Variants in TTC3 observed in about 807,000 individuals in gnomAD.
TTC3 encodes E3 ubiquitin-protein ligase TTC3.
TTC3 carries 180 observed loss-of-function variants against 249.6 expected under a neutral mutation model. The ratio of observed to expected loss-of-function variants is 0.72; its 90% CI spans 0.64 to 0.82. TTC3 has a LOEUF of 0.82. Ranked by LOEUF, TTC3 falls within the 40% of genes least tolerant of loss-of-function variation. The pLI is 0.00. For missense variants in TTC3, 2,061 were observed against 2,398.4 expected (o/e 0.86, Z 2.94); for synonymous variants, 717 against 805.0 (o/e 0.89, Z 1.85).
At chr21:37,087,840 A>G in exon 3 of TTC3, 15 of 1,593,472 alleles carry the variant, frequency 9.4e-6, no homozygotes, top group Non-Finnish European at 1.0e-5. Flanking sequence ...TAGGGTGTGC[A>G]ATATAAAGAT....
At chr21:37,141,504 G>T (rs986492948) in intron 20 of TTC3, among the ~76,000 whole-genome samples, 2 of 151,652 alleles carry the variant, frequency 1.3e-5, no homozygotes, top group Non-Finnish European at 1.5e-5. Context: ...GCACAGTGGC[G>T]CACACCTGGA....
chr21:37,125,023 C>T (rs949338920), intron 14 of TTC3, among the ~76,000 whole-genome samples: 5 of 152,038 alleles, frequency 3.3e-5, no homozygotes, highest in Admixed American at 1.3e-4. Flanking sequence ...GTATCTTTTC[C>T]CTTCGGTTGT....
rs532671817 is a variant in TTC3 at position 37,108,832 on chromosome 21, AT to A, written c.900+387del. Reference sequence around the variant, plus strand: ...GCACAAATCAGCAGTGAAGACAACCATCTTGATATATTTGGCTATATCGAAC... The same window carrying A: ...GCACAAATCAGCAGTGAAGACAACCACTTGATATATTTGGCTATATCGAAC... On this transcript the variant is annotated intron_variant, in intron 11 of 45. Transcript: ENST00000355666. Among the ~76,000 whole-genome samples, 39 of 152,342 alleles carry A rather than the reference AT, an allele frequency of 2.6e-4. 2 individuals are homozygous for A. The East Asian group carries it at 4.0e-3, about 16-fold the overall frequency.
intron 19 of TTC3, among the ~76,000 whole-genome samples, chr21:37,139,642 A>G (rs542618179): frequency 6.6e-6 from 1 of 152,248 alleles, no homozygotes; most frequent in Middle Eastern, 3.4e-3. Context: ...AATGTCTCCC[A>G]TGAATGCTCT....
intron 33 of TTC3, 103 bp from the exon 34 acceptor site, chr21:37,167,452 C>A: frequency 1.2e-5 from 9 of 779,014 alleles, no homozygotes; most frequent in Admixed American, 3.2e-5. Flanking sequence ...GGAAAAAAAA[C>A]TTGAAAAAAT....
At chr21:37,173,900 G>A (rs1013197085) in intron 35 of TTC3, among the ~76,000 whole-genome samples, 49 of 152,102 alleles carry the variant, frequency 3.2e-4, no homozygotes, top group Non-Finnish European at 7.4e-5. Flanking sequence ...AGTGACACAT[G>A]GAACACAAGT....
intron 25 of TTC3, 64 bp from the exon 26 acceptor site, chr21:37,151,829 G>A (rs1480972292): frequency 6.9e-7 from 1 of 1,458,096 alleles, no homozygotes; most frequent in Non-Finnish European, 9.0e-7. Flanking sequence ...CTTGGAAGAT[G>A]GTTTCTACGA....
intron 12 of TTC3, 68 bp downstream of exon 12, chr21:37,122,047 TGGATTAAC>T (rs1470724057): frequency 1.4e-6 from 2 of 1,443,928 alleles, no homozygotes; most frequent in Non-Finnish European, 1.9e-6. Context: ...GTGGGTTTCT[TGGATTAAC>T]AGAGGACCAC....
intron 4 of TTC3, 91 bp downstream of exon 4, chr21:37,088,437 C>T (rs756959580): frequency 3.1e-4 from 446 of 1,456,858 alleles, no homozygotes; most frequent in Non-Finnish European, 4.0e-4. Context: ...AGGCTTATGT[C>T]TTATTCTTGT....
At chr21:37,074,752 G>T (rs2070592280) in intron 1 of TTC3, among the ~76,000 whole-genome samples, 1 of 152,190 alleles carries the variant, frequency 6.6e-6, no homozygotes. Flanking sequence ...TAGAGACCCA[G>T]CTACTGCTCC....
chr21:37,185,361 C>T (rs1040070439), intron 36 of TTC3, among the ~76,000 whole-genome samples: 3 of 152,328 alleles, frequency 2.0e-5, no homozygotes, highest in Non-Finnish European at 4.4e-5. Flanking sequence ...TGAGAATCCA[C>T]ATCTTCTCAT....
chr21:37,084,769 C>T (rs9974486), intron 1 of TTC3, among the ~76,000 whole-genome samples: 62,042 of 151,906 alleles, frequency 0.41, 13,287 homozygotes, highest in Non-Finnish European at 0.48. Flanking sequence ...CCGAGGCGGG[C>T]GGATCACAAG....
intron 27 of TTC3, among the ~76,000 whole-genome samples, chr21:37,153,680 A>G (rs141089950): frequency 1.2e-3 from 183 of 152,338 alleles, no homozygotes; most frequent in African/African-American, 4.2e-3. Context: ...ATCCAGACCT[A>G]TATTAGACTA....
intron 22 of TTC3, among the ~76,000 whole-genome samples, chr21:37,147,968 C>G (rs2079129193): frequency 6.6e-6 from 1 of 152,112 alleles, no homozygotes; most frequent in Non-Finnish European, 1.5e-5. Flanking sequence ...ACTTCGTGAT[C>G]CACCCCCTCA....
chr21:37,147,171 A>G (rs2079052059), intron 21 of TTC3, among the ~76,000 whole-genome samples: 1 of 152,176 alleles, frequency 6.6e-6, no homozygotes, highest in Non-Finnish European at 1.5e-5. Context: ...CTTAATGCTT[A>G]TGGAAGATTT....
chr21:37,095,135 A>ACATGTGTGTGTGTGTGTG (rs1555853733), intron 8 of TTC3, among the ~76,000 whole-genome samples: 1 of 76,670 alleles, frequency 1.3e-5, no homozygotes, highest in African/African-American at 3.9e-5. Flanking sequence ...GTCTCTAAAA[A>ACATGTGTGTGTGTGTGTG]TATGTGTGTG....
chr21:37,159,761 C>T lies in TTC3; in HGVS notation c.3039+16C>T. The T allele has an allele frequency of 1.2e-6, 2 of 1,610,566 alleles. No homozygotes were observed. The highest frequency in any genetic ancestry group is 1.7e-6 in the Non-Finnish European group (2 of 1,178,726). ...TGAAGCACCGGTAAGTTACTTGGAT[C>T]ACTTGAATCTTACGTTCTAATCTGA... On this transcript the variant is annotated intron_variant, in intron 29 of 45. Coordinates refer to ENST00000355666, the Ensembl canonical transcript of TTC3.
At chr21:37,189,515 A>AT (rs2035400936) in intron 39 of TTC3, among the ~76,000 whole-genome samples, 1 of 151,674 alleles carries the variant, frequency 6.6e-6, no homozygotes, top group Admixed American at 6.6e-5. Flanking sequence ...AAGTGCTGGG[A>AT]TTACAGGCAT....
intron 10 of TTC3, chr21:37,098,639 G>A (rs192968964): frequency 4.6e-5 from 7 of 152,134 alleles, no homozygotes; most frequent in East Asian, 3.9e-4. Context: ...TTTTATTCAC[G>A]AAGTGTTTTA....
Sources: gnomAD v4.1 joint callset for allele counts (sites outside exome capture counted in the v4.1 genomes callset) on GRCh38, gnomAD v4.1.1 for gene constraint, MANE v1.5 for transcripts, NCBI Gene and HGNC (gene_info 2026-07-23, HGNC 2026-07-21) for gene names.